The following PDLIM3 variants were observed in gnomAD, a reference collection of about 807,000 sequenced individuals.
PDLIM3 encodes the protein PDZ and LIM domain protein 3.
PDLIM3 carries 36 observed loss-of-function variants against 37.3 expected under a neutral mutation model. The ratio of observed to expected loss-of-function variants is 0.97; its 90% CI spans 0.74 to 1.28. The LOEUF (loss-of-function observed/expected upper bound fraction) is 1.28. PDLIM3 is among the 50% of genes most tolerant of loss of function. PDLIM3 has a pLI of 0.00. For missense variants in PDLIM3, 454 were observed against 485.0 expected, an observed-to-expected ratio of 0.94 and a Z score of 0.60; for synonymous variants, 174 against 182.4, an observed-to-expected ratio of 0.95 and a Z score of 0.37.
chr4:185,529,128 CCAT>C (rs1180099506), intron 1 of PDLIM3, among the ~76,000 whole-genome samples: 2 of 152,130 alleles, frequency 1.3e-5, no homozygotes, highest in Non-Finnish European at 2.9e-5. Context: ...TCACTTAGCA[CCAT>C]GTTTTCAAAC....
At chr4:185,529,951 T>C (rs2095741116) in intron 1 of PDLIM3, among the ~76,000 whole-genome samples, 1 of 152,210 alleles carries the variant, frequency 6.6e-6, no homozygotes, top group African/African-American at 2.4e-5. Context: ...CAACACCTCC[T>C]AGCTCTTTGA....
Position 185,514,166 on chromosome 4 carries a change from G to T in PDLIM3, c.398+104C>A. ...TTGCTTTTGAAATAAGCTTCGCAAT[G>T]AGAAAAGCCACTCCAAACATCTACC... On this transcript the variant is annotated intron_variant, in intron 4 of 7. Transcript: ENST00000284767. This position sits in a 1 kb window ranked among gnomAD's most constrained non-coding sequence, Gnocchi z 4.0. The T allele has an allele frequency of 6.2e-7, 1 of 1,605,748 alleles. No individual in the cohort carries two copies. The highest frequency in any genetic ancestry group is 1.7e-5 in the Admixed American group (1 of 59,120).
chr4:185,517,073 T>A (rs2095716074), intron 3 of PDLIM3: 1 of 152,224 alleles, frequency 6.6e-6, no homozygotes, highest in Non-Finnish European at 1.5e-5. Flanking sequence ...TAAACATTTA[T>A]AAATGGTGCA....
At chr4:185,516,730 C>G (rs982772807) in intron 3 of PDLIM3, 1 of 152,236 alleles carries the variant, frequency 6.6e-6, no homozygotes, top group African/African-American at 2.4e-5. Context: ...AGCCTAGGAG[C>G]CTTTGACTCC....
chr4:185,523,234 G>A (rs1473863283), intron 3 of PDLIM3, 128 bp downstream of exon 3: 1 of 668,758 alleles, frequency 1.5e-6, no homozygotes, highest in Non-Finnish European at 2.7e-6. Context: ...ATCTCGGAGA[G>A]GAATGACAGA....
intron 1 of PDLIM3, among the ~76,000 whole-genome samples, chr4:185,530,245 T>C (rs957633275): frequency 5.9e-5 from 9 of 152,264 alleles, no homozygotes; most frequent in Non-Finnish European, 1.2e-4. Context: ...ATTTGTGTTT[T>C]ACCCTGGAAA....
At chr4:185,510,280 C>T (rs2095704488) in intron 4 of PDLIM3, among the ~76,000 whole-genome samples, 1 of 152,164 alleles carries the variant, frequency 6.6e-6, no homozygotes, top group Admixed American at 6.5e-5. Context: ...AGTAATGAAC[C>T]TACTCAACAA....
rs1580228528 is a variant in PDLIM3 at position 185,502,220 on chromosome 4, C to T, written c.*74G>A. The T allele has an allele frequency of 1.4e-6, 2 of 1,446,304 alleles. No homozygotes were observed. The highest frequency in any genetic ancestry group is 1.9e-6 in the Non-Finnish European group (2 of 1,027,826). 89.6% of individuals were successfully genotyped at this position (1,446,304 alleles called of 1,614,324 possible). ...GTTGACAATCTGCACAATCCTTCTG[C>T]CCAAAGCCATGAATGTCTTCTCGTG... is the stretch of plus-strand genomic sequence containing the variant. On this transcript the variant is annotated 3_prime_UTR_variant, in exon 8 of 8. Transcript: ENST00000284767.
At chr4:185,503,090 C>T (rs1324123411) in intron 7 of PDLIM3, among the ~76,000 whole-genome samples, 5 of 151,180 alleles carry the variant, frequency 3.3e-5, no homozygotes, top group South Asian at 2.1e-4. Context: ...ATTAGCCGGG[C>T]GTGGGCACCT....
rs2095711019 is a variant in PDLIM3 at position 185,514,180 on chromosome 4, CA to C, written c.398+89del. 2 of 1,611,686 alleles carry C rather than the reference CA, an allele frequency of 1.2e-6. No individual in the cohort carries two copies. The highest frequency in any genetic ancestry group is 1.7e-6 in the Non-Finnish European group (2 of 1,178,922). On this transcript the variant is annotated intron_variant, in intron 4 of 7. Transcript: ENST00000284767. The surrounding 1 kb of genome is among the most constrained non-coding windows in gnomAD (Gnocchi z 4.0). ...AGCTTCGCAATGAGAAAAGCCACTC[CA>C]AACATCTACCAGTTACTTTTCTTGA...
At chr4:185,533,342 T>G (rs1038241951) in intron 1 of PDLIM3, among the ~76,000 whole-genome samples, 2 of 152,208 alleles carry the variant, frequency 1.3e-5, no homozygotes, top group African/African-American at 4.8e-5. Context: ...ATTCTTTTCC[T>G]TAACAAATTT....
chr4:185,508,272 C>T (rs1018291172), intron 5 of PDLIM3, 27 bp downstream of exon 5: 10 of 1,610,314 alleles, frequency 6.2e-6, no homozygotes, highest in Admixed American at 1.7e-5. Context: ...AGTTAATATG[C>T]CCATGGTTCA....
At position 185,525,210 on chromosome 4, in the gene PDLIM3, C is replaced by A. The variant is rs762617477; in HGVS notation, c.94-39G>T. 9.3e-6 allele frequency: 15 copies of A among 1,607,794 alleles called. No homozygotes were observed. The African/African-American group carries it at 2.0e-4, about 21-fold the overall frequency. ...TGGCACTATTTAAAAACCAACATCC[C>A]GCAGTATCTTGAGTTTTGTGCCTGA... is the stretch of plus-strand genomic sequence containing the variant. On this transcript the variant is annotated intron_variant, in intron 1 of 7. Coordinates refer to ENST00000284767, the MANE Select transcript of PDLIM3 (RefSeq NM_014476.6).
Position 185,504,434 on chromosome 4 carries a change from CAA to C in PDLIM3, c.905+39_905+40del. The C allele has an allele frequency of 1.3e-6, 2 of 1,500,380 alleles. No homozygotes were observed. Among genetic ancestry groups the C allele is most frequent in the East Asian group, 4.5e-5 (2 of 44,300 alleles). The allele number at this position is 1,500,380 out of a possible 1,614,324, so 92.9% of individuals were successfully genotyped here. A position where few individuals can be genotyped will look rare whatever the true frequency, so the allele number is the denominator to read the frequency against. The stretch of plus-strand genomic sequence containing the variant: ...TAAAGGAGAAGAAATGAACTGTCGC[CAA>C]GCTGTATCGTAAATTCCAGGGTTAA... On this transcript the variant is annotated intron_variant, in intron 7 of 7. Transcript: ENST00000284767. The surrounding 1 kb of genome is among the most constrained non-coding windows in gnomAD (Gnocchi z 4.7).
At chr4:185,507,355 A>T (rs910755195) in intron 5 of PDLIM3, among the ~76,000 whole-genome samples, 1 of 152,220 alleles carries the variant, frequency 6.6e-6, no homozygotes, top group Non-Finnish European at 1.5e-5. Flanking sequence ...AAATATATTC[A>T]TAATAGACAA....
intron 7 of PDLIM3, among the ~76,000 whole-genome samples, chr4:185,503,597 A>T (rs866485006): frequency 2.6e-5 from 4 of 152,318 alleles, no homozygotes; most frequent in African/African-American, 2.4e-5. Context: ...AATGCCATGG[A>T]GATGTTAGAA....
intron 3 of PDLIM3, among the ~76,000 whole-genome samples, chr4:185,521,105 G>A (rs2095722945): frequency 1.5e-5 from 1 of 65,874 alleles, no homozygotes; most frequent in Admixed American, 1.7e-4. Context: ...AATTGATGAC[G>A]GTGGGAGGAA....
intron 3 of PDLIM3, among the ~76,000 whole-genome samples, chr4:185,520,063 G>A (rs1202073729): frequency 6.6e-6 from 1 of 152,186 alleles, no homozygotes; most frequent in Non-Finnish European, 1.5e-5. Context: ...CCATAGCTTA[G>A]CTTTTCTCTC....
chr4:185,524,918 G>A, intron 2 of PDLIM3, 102 bp downstream of exon 2: 1 of 1,145,604 alleles, frequency 8.7e-7, no homozygotes, highest in South Asian at 1.2e-5. Flanking sequence ...CAAAATACTA[G>A]GTCTGTGGCC....
Sources: gnomAD v4.1 joint callset for allele counts (sites outside exome capture counted in the v4.1 genomes callset) on GRCh38, gnomAD v4.1.1 for gene constraint, Gnocchi (gnomAD v3.1) non-coding constraint, MANE v1.5 for transcripts, NCBI Gene and HGNC (gene_info 2026-07-23, HGNC 2026-07-21) for gene names.